Variants in GALNT13 observed in about 807,000 individuals in gnomAD.
GALNT13 encodes polypeptide N-acetylgalactosaminyltransferase 13.
In GALNT13, 28 loss-of-function variants were observed where a neutral mutation model predicts 64.2. The ratio of observed to expected loss-of-function variants is 0.44; its 90% confidence interval spans 0.32 to 0.60. The LOEUF (loss-of-function observed/expected upper bound fraction) is 0.60. Ranked by LOEUF, GALNT13 falls within the 20% of genes least tolerant of loss-of-function variation. The pLI is 0.05. For missense variants in GALNT13, 577 were observed against 669.8 expected, an observed-to-expected ratio of 0.86 and a Z score of 1.53; for synonymous variants, 214 against 224.6, an observed-to-expected ratio of 0.95 and a Z score of 0.42.
Position 153,884,825 on chromosome 2 carries a change from ATATG to A in GALNT13, c.-177+12524_-177+12527del, listed in dbSNP as rs1405624590. Among the ~76,000 whole-genome samples, 24 of 112,602 alleles carry A rather than the reference ATATG, an allele frequency of 2.1e-4. 1 individual carries two copies. The highest frequency in any genetic ancestry group is 2.0e-3 in the Admixed American group (24 of 11,826). 73.9% of individuals were successfully genotyped at this position (112,602 alleles called of 152,430 possible). ...TATATATGTGTGTGTGTGTGTATATATATGTGTGTGTGTGTGTGTATATATGTAT... is the reference window on the plus strand; with the variant it reads ...TATATATGTGTGTGTGTGTGTATATATGTGTGTGTGTGTGTATATATGTAT... On this transcript the variant is annotated intron_variant, in intron 1 of 12. Coordinates refer to ENST00000392825, the MANE Select transcript of GALNT13 (RefSeq NM_052917.4).
chr2:153,354,412 C>A, the GALNT13 span: 1 of 152,126 alleles, frequency 6.6e-6, no homozygotes, highest in Non-Finnish European at 1.5e-5. Flanking sequence ...AGAAAACTGC[C>A]CTTTTAATTC....
In GALNT13 at chr2:154,396,855, T is replaced by C. The variant is rs1272528579; in HGVS notation, c.1296+725T>C. ...TGCACCATTCTTTTCTACATATCTA[T>C]TTTATCTTGAAATACAAAAATGACT... On this transcript the variant is annotated intron_variant, in intron 10 of 12. Coordinates refer to ENST00000392825, the MANE Select transcript of GALNT13 (RefSeq NM_052917.4). Among the ~76,000 whole-genome samples, 4 of 151,732 alleles carry C rather than the reference T, an allele frequency of 2.6e-5. No homozygotes were observed. In the East Asian group the frequency reaches 7.7e-4, roughly 29 times the overall value.
the GALNT13 span, among the ~76,000 whole-genome samples, chr2:153,125,291 G>A: frequency 6.6e-6 from 1 of 152,214 alleles, no homozygotes; most frequent in East Asian, 1.9e-4. Context: ...CTGTGATGCT[G>A]ATGAAAGTGT....
chr2:153,789,229 C>A, the GALNT13 span, among the ~76,000 whole-genome samples: 1 of 152,004 alleles, frequency 6.6e-6, no homozygotes, highest in Non-Finnish European at 1.5e-5. Context: ...ATGCAAAGAA[C>A]CGAAATGACA....
the GALNT13 span, among the ~76,000 whole-genome samples, chr2:153,865,130 C>T: frequency 2.2e-4 from 28 of 127,232 alleles, no homozygotes; most frequent in East Asian, 3.2e-3. Flanking sequence ...AAACTGGATC[C>T]CTTCCTTACA....
At chr2:154,291,195 T>C (rs1364532140) in intron 8 of GALNT13, among the ~76,000 whole-genome samples, 2 of 152,114 alleles carry the variant, frequency 1.3e-5, no homozygotes, top group African/African-American at 4.8e-5. Context: ...AGCTGATTTG[T>C]CCGTTTCACA....
At chr2:153,388,053 G>A in the GALNT13 span, among the ~76,000 whole-genome samples, 2 of 151,648 alleles carry the variant, frequency 1.3e-5, no homozygotes, top group African/African-American at 4.8e-5. Flanking sequence ...GGGAGCGGAA[G>A]GGGAGGGGAG....
the GALNT13 span, among the ~76,000 whole-genome samples, chr2:153,668,238 C>G: frequency 1.3e-5 from 2 of 152,074 alleles, no homozygotes; most frequent in Non-Finnish European, 2.9e-5. Context: ...GACCTAAACA[C>G]AACACTTGAC....
At chr2:153,849,120 T>C in the GALNT13 span, among the ~76,000 whole-genome samples, 7 of 152,106 alleles carry the variant, frequency 4.6e-5, no homozygotes, top group South Asian at 1.2e-3. Context: ...ATTTCAGAAA[T>C]GTAAGGAAGT....
chr2:153,618,774 C>T, the GALNT13 span, among the ~76,000 whole-genome samples: 1 of 151,692 alleles, frequency 6.6e-6, no homozygotes, highest in Non-Finnish European at 1.5e-5. Context: ...GTATAATGAC[C>T]TTCTTTGTCT....
At chr2:154,049,371 A>G (rs963496755) in intron 3 of GALNT13, among the ~76,000 whole-genome samples, 1 of 148,518 alleles carries the variant, frequency 6.7e-6, no homozygotes, top group Non-Finnish European at 1.5e-5. Flanking sequence ...TAATTTAAAG[A>G]ATATATATCA....
chr2:154,000,363 T>C (rs984062911), intron 3 of GALNT13, among the ~76,000 whole-genome samples: 1 of 152,044 alleles, frequency 6.6e-6, no homozygotes, highest in Non-Finnish European at 1.5e-5. Context: ...GGGCGTACTT[T>C]GTTCTTTTTC....
the GALNT13 span, chr2:153,421,457 T>C: frequency 4.5e-6 from 1 of 221,536 alleles, no homozygotes; most frequent in East Asian, 1.1e-4. Context: ...CAACCGCAGC[T>C]GTGGAAACCT....
the GALNT13 span, among the ~76,000 whole-genome samples, chr2:153,169,955 A>T: frequency 1.3e-5 from 2 of 152,144 alleles, no homozygotes; most frequent in African/African-American, 4.8e-5. Context: ...CCCTTATCCA[A>T]AATTAAGCTT....
intron 3 of GALNT13, among the ~76,000 whole-genome samples, chr2:154,136,678 A>T (rs958557974): frequency 2.0e-5 from 3 of 152,144 alleles, no homozygotes; most frequent in Non-Finnish European, 4.4e-5. Flanking sequence ...GAAAGGTATA[A>T]AATGATTCTG....
At chr2:154,397,577 G>T (rs1314957764) in intron 10 of GALNT13, among the ~76,000 whole-genome samples, 1 of 151,972 alleles carries the variant, frequency 6.6e-6, no homozygotes, top group Non-Finnish European at 1.5e-5. Context: ...ATACTTTTTT[G>T]GGTCATCTGC....
At chr2:153,880,677 A>G (rs1457559747) in intron 1 of GALNT13, among the ~76,000 whole-genome samples, 2 of 152,156 alleles carry the variant, frequency 1.3e-5, no homozygotes, top group Non-Finnish European at 2.9e-5. Context: ...ATTATATATC[A>G]CTTGTCCTGA....
chr2:153,944,602 T>C lies in GALNT13; in HGVS notation c.105T>C (p.Asp35=), dbSNP rs1039063658. ...LLYFSECNKC[D]DKKERSLLPA... ...ACTTCAGTGAATGTAACAAATGTGA[T>C]GACAAGAAGGAGAGATCTCTGCTGC... Residue 35 remains aspartate, a synonymous_variant, in exon 3 of 13, where the codon GAT becomes GAC. Transcript: ENST00000392825. 5.6e-6 allele frequency: 9 copies of C among 1,613,580 alleles called. No homozygotes were observed. Among genetic ancestry groups the C allele is most frequent in the Non-Finnish European group, 6.8e-6 (8 of 1,179,648 alleles).
the GALNT13 span, among the ~76,000 whole-genome samples, chr2:153,341,550 A>G: frequency 1.3e-5 from 2 of 152,190 alleles, no homozygotes; most frequent in Non-Finnish European, 2.9e-5. Flanking sequence ...TATGGTGCAA[A>G]TTAGGCACTT....
Sources: allele counts gnomAD v4.1 joint callset (sites outside exome capture counted in the v4.1 genomes callset), GRCh38; gene constraint gnomAD v4.1.1; transcripts MANE v1.5; gene names NCBI Gene and HGNC (gene_info 2026-07-23, HGNC 2026-07-21).